The following EHBP1 variants were observed in gnomAD, a reference collection of about 807,000 sequenced individuals.
EHBP1 encodes the protein EH domain-binding protein 1.
In EHBP1, 55 loss-of-function variants were observed where a neutral mutation model predicts 144.0. The ratio of observed to expected loss-of-function variants is 0.38; its 90% confidence interval spans 0.31 to 0.48. The LOEUF is 0.48. EHBP1 is among the 20% of genes least tolerant of loss of function. The pLI is 0.98. For synonymous variants in EHBP1, 469 were observed against 472.7 expected (o/e 0.99, Z 0.10); for missense variants, 1,200 against 1,364.2 (o/e 0.88, Z 1.90).
At chr2:62,998,042 CT>C (rs148716288) in intron 19 of EHBP1, among the ~76,000 whole-genome samples, 5,347 of 152,006 alleles carry the variant, frequency 0.035, 329 homozygotes, top group African/African-American at 0.12. Context: ...ACCAAAAATA[CT>C]TTTTAAAAAA....
intron 1 of EHBP1, among the ~76,000 whole-genome samples, chr2:62,693,430 A>C (rs2901518): frequency 0.16 from 23,957 of 152,042 alleles, 2,156 homozygotes; most frequent in Middle Eastern, 0.24. Context: ...AGATACAAGT[A>C]CCTTATCAGA....
chr2:62,988,825 T>C (rs1215070753), intron 15 of EHBP1, among the ~76,000 whole-genome samples: 1 of 152,186 alleles, frequency 6.6e-6, no homozygotes, highest in Non-Finnish European at 1.5e-5. Context: ...AAGTCTCTAA[T>C]ATTTATCTTT....
rs1201174072 is a variant in EHBP1, at chr2:62,729,328, AATATAATAT to A, written c.105-18049_105-18041del. Among the ~76,000 whole-genome samples, 986 of 129,236 alleles carry A rather than the reference AATATAATAT, an allele frequency of 7.6e-3. 3 individuals carry two copies. Among genetic ancestry groups the A allele is most frequent in the Non-Finnish European group, 0.012 (742 of 63,732 alleles). 84.8% of individuals were successfully genotyped at this position (129,236 alleles called of 152,430 possible). A position where few individuals can be genotyped will look rare whatever the true frequency, so the allele number is the denominator to read the frequency against. On this transcript the variant is annotated intron_variant, in intron 2 of 22. Coordinates refer to ENST00000431489, the MANE Select transcript of EHBP1 (RefSeq NM_001142616.3). ...TAATATAATATAATATTTATAATAT[AATATAATAT>A]ATATAATATATATAATAATAAATAT...
intron 7 of EHBP1, among the ~76,000 whole-genome samples, chr2:62,833,457 T>C (rs1408807915): frequency 6.6e-6 from 1 of 152,182 alleles, no homozygotes; most frequent in East Asian, 1.9e-4. Flanking sequence ...AGGGACAAAG[T>C]CAACACCTGG....
chr2:62,706,140 G>T, intron 1 of EHBP1, 88 bp downstream of exon 1: 1 of 153,782 alleles, frequency 6.5e-6, no homozygotes, highest in South Asian at 1.8e-4. Flanking sequence ...GGGTGACAGG[G>T]ACCGCGGACG....
intron 10 of EHBP1, among the ~76,000 whole-genome samples, chr2:62,884,094 T>C (rs1012792689): frequency 6.6e-6 from 1 of 152,242 alleles, no homozygotes; most frequent in African/African-American, 2.4e-5. Flanking sequence ...GTTATTCACA[T>C]GTATATGCCT....
intron 5 of EHBP1, among the ~76,000 whole-genome samples, chr2:62,825,208 T>C (rs1293792914): frequency 1.3e-5 from 2 of 152,110 alleles, no homozygotes; most frequent in Non-Finnish European, 2.9e-5. Context: ...GATTATGTCT[T>C]ATTCATCATA....
At position 62,765,517 on chromosome 2, in the gene EHBP1, T is replaced by C. The variant is rs113091696; in HGVS notation, c.258+1156T>C. 4.9e-3 allele frequency among the ~76,000 whole-genome samples: 747 copies of C among 152,222 alleles called. 8 individuals carry two copies. The highest frequency in any genetic ancestry group is 0.016 in the African/African-American group (680 of 41,534). Reference sequence around the variant, plus strand: ...TGGGGGCACAGTGCCTACACTGAATTAACAAAGTGGGTAAAAGTCAGACAG... The same window carrying C: ...TGGGGGCACAGTGCCTACACTGAATCAACAAAGTGGGTAAAAGTCAGACAG... On this transcript the variant is annotated intron_variant, in intron 4 of 22. Coordinates refer to ENST00000431489, the MANE Select transcript of EHBP1 (RefSeq NM_001142616.3).
intron 4 of EHBP1, among the ~76,000 whole-genome samples, chr2:62,768,351 A>G (rs755621891): frequency 3.9e-5 from 6 of 152,232 alleles, no homozygotes; most frequent in Non-Finnish European, 8.8e-5. Context: ...CTGACCTCAG[A>G]TAAGTGAAAA....
chr2:63,008,972 G>T (rs559231153), intron 19 of EHBP1, among the ~76,000 whole-genome samples: 1 of 151,742 alleles, frequency 6.6e-6, no homozygotes, highest in South Asian at 2.1e-4. Flanking sequence ...AGGGGGAAAG[G>T]TCATTTAATT....
At chr2:63,008,669 C>T (rs2060146219) in intron 19 of EHBP1, among the ~76,000 whole-genome samples, 1 of 143,230 alleles carries the variant, frequency 7.0e-6, no homozygotes, top group Admixed American at 7.0e-5. Context: ...TTTCCGTTTG[C>T]CTAAAAATAA....
At chr2:62,839,462 A>G (rs1269265311) in intron 7 of EHBP1, among the ~76,000 whole-genome samples, 1 of 147,110 alleles carries the variant, frequency 6.8e-6, no homozygotes, top group South Asian at 2.3e-4. Context: ...CACCACTCCT[A>G]TTCAACATAG....
chr2:62,971,367 A>G (rs1388004487), intron 14 of EHBP1, among the ~76,000 whole-genome samples: 1 of 151,798 alleles, frequency 6.6e-6, no homozygotes, highest in Non-Finnish European at 1.5e-5. Context: ...AAGTGAATGT[A>G]AACAAATTAG....
At chr2:62,819,937 G>A (rs759908769) in intron 5 of EHBP1, among the ~76,000 whole-genome samples, 13 of 151,932 alleles carry the variant, frequency 8.6e-5, no homozygotes, top group African/African-American at 2.9e-4. Flanking sequence ...GAGGCTGGGC[G>A]TGGTGGCTCA....
chr2:62,737,075 C>T lies in EHBP1; in HGVS notation c.105-10320C>T, dbSNP rs535110301. ...TGAACTGTAGAAGTGCTTTGTTTAG[C>T]GCTTAGGTGGGGCAGGATGGCTAGA... On this transcript the variant is annotated intron_variant, in intron 2 of 22. Transcript: ENST00000431489. Among the ~76,000 whole-genome samples the T allele has an allele frequency of 1.1e-4, 17 of 152,156 alleles. 1 individual carries two copies. The highest frequency in any genetic ancestry group is 8.3e-4 in the South Asian group (4 of 4,828).
intron 10 of EHBP1, among the ~76,000 whole-genome samples, chr2:62,907,976 CGAGA>C (rs2053931703): frequency 6.6e-6 from 1 of 152,058 alleles, no homozygotes; most frequent in Non-Finnish European, 1.5e-5. Context: ...AGTTGTCACA[CGAGA>C]AGAAAGGAAA....
intron 1 of EHBP1, among the ~76,000 whole-genome samples, chr2:62,676,817 C>T (rs371925537): frequency 5.4e-4 from 82 of 152,212 alleles, no homozygotes; most frequent in African/African-American, 1.9e-3. Context: ...AAGTCTACAG[C>T]AATCGTTGTT....
chr2:62,943,954 C>G lies in EHBP1; in HGVS notation c.1413+104C>G, dbSNP rs1574170283. On this transcript the variant is annotated intron_variant, in intron 12 of 22. Transcript: ENST00000431489. ...AGGCAGTTTTATGAGGTCATAACTACAACTCACAGAGGGTTGTCTGCTTAC... is the reference window on the plus strand; with the variant it reads ...AGGCAGTTTTATGAGGTCATAACTAGAACTCACAGAGGGTTGTCTGCTTAC... The G allele has an allele frequency of 1.1e-5, 8 of 733,794 alleles. No individual in the cohort carries two copies. In the East Asian group the frequency reaches 2.2e-4, roughly 20 times the overall value. The allele number at this position is 733,794 out of a possible 1,614,324, so 45.5% of individuals were successfully genotyped here.
intron 16 of EHBP1, among the ~76,000 whole-genome samples, chr2:62,991,683 A>G (rs908204022): frequency 1.3e-5 from 2 of 152,228 alleles, no homozygotes; most frequent in South Asian, 4.1e-4. Context: ...TCCCACCCAC[A>G]TGTTTCCCTG....
Sources: gnomAD v4.1 joint callset for allele counts (sites outside exome capture counted in the v4.1 genomes callset) on GRCh38, gnomAD v4.1.1 for gene constraint, MANE v1.5 for transcripts, NCBI Gene and HGNC (gene_info 2026-07-23, HGNC 2026-07-21) for gene names.